Variants in EFNA5 observed in about 807,000 individuals in gnomAD.
The protein encoded by EFNA5 is ephrin A5.
EFNA5 carries 5 observed loss-of-function variants against 22.9 expected under a neutral mutation model. The observed-to-expected ratio is 0.22, with a 90% CI of 0.11 to 0.46. The LOEUF is 0.46. EFNA5 is among the 20% of genes least tolerant of loss of function. The pLI is 0.99. For synonymous variants in EFNA5, 113 were observed against 112.2 expected (o/e 1.01, Z -0.04); for missense variants, 237 against 293.3 (o/e 0.81, Z 1.40).
intron 1 of EFNA5, among the ~76,000 whole-genome samples, chr5:107,550,523 A>C (rs1025717804): frequency 1.3e-5 from 2 of 152,216 alleles, no homozygotes; most frequent in Non-Finnish European, 2.9e-5. Flanking sequence ...TCAAATGGGA[A>C]GAAAAACACA....
intron 1 of EFNA5, among the ~76,000 whole-genome samples, chr5:107,443,996 T>C (rs957203023): frequency 6.6e-6 from 1 of 152,226 alleles, no homozygotes; most frequent in African/African-American, 2.4e-5. Context: ...ACAATCCTTA[T>C]TCTTCTAGAG....
At chr5:107,629,037 T>C (rs1056003937) in intron 1 of EFNA5, among the ~76,000 whole-genome samples, 3 of 152,130 alleles carry the variant, frequency 2.0e-5, no homozygotes, top group Non-Finnish European at 2.9e-5. Context: ...TTGTCTCTAG[T>C]GAAAGGAAGG....
intron 1 of EFNA5, among the ~76,000 whole-genome samples, chr5:107,521,384 G>C (rs1747592561): frequency 6.6e-6 from 1 of 151,226 alleles, no homozygotes; most frequent in Non-Finnish European, 1.5e-5. Context: ...TGACCTCCTG[G>C]GACTCAAGTG....
At chr5:107,498,947 T>G (rs1379684926) in intron 1 of EFNA5, among the ~76,000 whole-genome samples, 10 of 134,606 alleles carry the variant, frequency 7.4e-5, no homozygotes, top group Non-Finnish European at 1.6e-4. Context: ...CTTTTCTTTA[T>G]GTATATAAGT....
intron 1 of EFNA5, among the ~76,000 whole-genome samples, chr5:107,498,211 C>T (rs1018280458): frequency 1.3e-5 from 2 of 152,224 alleles, no homozygotes; most frequent in African/African-American, 4.8e-5. Context: ...CCAACAAGCC[C>T]GGCCTACAAT....
At chr5:107,583,018 G>A (rs951546697) in intron 1 of EFNA5, among the ~76,000 whole-genome samples, 4 of 151,910 alleles carry the variant, frequency 2.6e-5, no homozygotes, top group Non-Finnish European at 5.9e-5. Flanking sequence ...GGAAACAACA[G>A]GACATCTTCT....
At chr5:107,602,509 A>G (rs1433786836) in intron 1 of EFNA5, among the ~76,000 whole-genome samples, 1 of 152,190 alleles carries the variant, frequency 6.6e-6, no homozygotes, top group East Asian at 1.9e-4. Flanking sequence ...AACCCAGAAC[A>G]TCAGGAACAA....
At chr5:107,618,171 C>A (rs1410676484) in intron 1 of EFNA5, among the ~76,000 whole-genome samples, 6 of 152,076 alleles carry the variant, frequency 3.9e-5, no homozygotes, top group Admixed American at 2.6e-4. Flanking sequence ...AAATATTCAG[C>A]CTGATCAGAA....
intron 1 of EFNA5, among the ~76,000 whole-genome samples, chr5:107,537,593 CCTT>C (rs1213955907): frequency 1.3e-5 from 2 of 152,140 alleles, no homozygotes; most frequent in African/African-American, 2.4e-5. Context: ...GAGCGAAACT[CCTT>C]CTCAAAAACA....
chr5:107,514,785 C>T (rs1454527102), intron 1 of EFNA5, among the ~76,000 whole-genome samples: 3 of 152,194 alleles, frequency 2.0e-5, no homozygotes, highest in Non-Finnish European at 4.4e-5. Context: ...ACGTGACCTG[C>T]CTCCCGTCTC....
In EFNA5 at chr5:107,455,714, T is replaced by C. The variant is rs1292856680; in HGVS notation, c.126-28205A>G. On this transcript the variant is annotated intron_variant, in intron 1 of 4. Transcript: ENST00000333274. ...CTCTTATTTCATCTCCTTAGGACAATGCACAGACATGAGGCACCCAGAATG... is the reference window on the plus strand; with the variant it reads ...CTCTTATTTCATCTCCTTAGGACAACGCACAGACATGAGGCACCCAGAATG... Among the ~76,000 whole-genome samples, 6 of 152,328 alleles carry C rather than the reference T, an allele frequency of 3.9e-5. No individual in the cohort carries two copies. The South Asian group carries it at 6.2e-4, about 16-fold the overall frequency.
At chr5:107,399,945 T>TA (rs1414057090) in intron 2 of EFNA5, among the ~76,000 whole-genome samples, 1 of 152,170 alleles carries the variant, frequency 6.6e-6, no homozygotes, top group African/African-American at 2.4e-5. Flanking sequence ...AAAATCGACT[T>TA]AGATTTGTGA....
chr5:107,602,797 G>A (rs1181934377), intron 1 of EFNA5, among the ~76,000 whole-genome samples: 2 of 151,616 alleles, frequency 1.3e-5, no homozygotes, highest in East Asian at 3.9e-4. Flanking sequence ...CGTTAGACGT[G>A]GCAGAGGAGA....
intron 1 of EFNA5, among the ~76,000 whole-genome samples, chr5:107,626,432 C>T (rs193251529): frequency 6.6e-6 from 1 of 152,188 alleles, no homozygotes; most frequent in East Asian, 1.9e-4. Context: ...CACCACCACA[C>T]CTGGCTAATT....
At chr5:107,430,416 T>C (rs1748917441) in intron 1 of EFNA5, among the ~76,000 whole-genome samples, 1 of 152,114 alleles carries the variant, frequency 6.6e-6, no homozygotes. Flanking sequence ...TCCCTAAGTG[T>C]CACTCATTTT....
chr5:107,507,212 A>C (rs2112430777), intron 1 of EFNA5, among the ~76,000 whole-genome samples: 1 of 152,360 alleles, frequency 6.6e-6, no homozygotes, highest in African/African-American at 2.4e-5. Flanking sequence ...AGAGATGAGA[A>C]GAATGGGAGG....
At chr5:107,417,401 C>T (rs538032386) in intron 2 of EFNA5, among the ~76,000 whole-genome samples, 4 of 151,994 alleles carry the variant, frequency 2.6e-5, no homozygotes, top group Admixed American at 6.6e-5. Flanking sequence ...AAGTTCTGTT[C>T]CTAATGTGGA....
At chr5:107,457,302 T>C (rs1342341699) in intron 1 of EFNA5, among the ~76,000 whole-genome samples, 1 of 152,150 alleles carries the variant, frequency 6.6e-6, no homozygotes, top group Non-Finnish European at 1.5e-5. Flanking sequence ...GTGGTAGGAA[T>C]AGTCTCTAGC....
intron 1 of EFNA5, among the ~76,000 whole-genome samples, chr5:107,519,151 T>C (rs898685122): frequency 2.0e-4 from 30 of 152,314 alleles, no homozygotes; most frequent in African/African-American, 6.3e-4. Flanking sequence ...TTGTTCTTCA[T>C]TTCCACTTAT....
Sources: allele counts gnomAD v4.1 joint callset (sites outside exome capture counted in the v4.1 genomes callset), GRCh38; gene constraint gnomAD v4.1.1; transcripts MANE v1.5; gene names NCBI Gene and HGNC (gene_info 2026-07-23, HGNC 2026-07-21).